Variants in PLD5 observed in about 807,000 individuals in gnomAD.
PLD5 encodes inactive phospholipase D5.
Under a neutral mutation model 61.1 loss-of-function variants are expected in PLD5, and 36 were observed. The observed-to-expected ratio is 0.59, with a 90% CI of 0.45 to 0.78. PLD5 has a LOEUF of 0.78. Among genes scored for constraint, PLD5 ranks in the 30% least tolerant of loss-of-function variants. The pLI is 0.00. For synonymous variants in PLD5, 243 were observed against 242.8 expected, an observed-to-expected ratio of 1.00 and a Z score of -0.01; for missense variants, 515 against 644.4, an observed-to-expected ratio of 0.80 and a Z score of 2.17.
At chr1:242,415,158 C>G (rs1373978005) in intron 1 of PLD5, among the ~76,000 whole-genome samples, 3 of 152,172 alleles carry the variant, frequency 2.0e-5, no homozygotes, top group Admixed American at 6.5e-5. Flanking sequence ...GGTAGGAACC[C>G]AAAATGGCAC....
At chr1:242,261,672 C>A (rs1194548727) in intron 4 of PLD5, among the ~76,000 whole-genome samples, 13 of 152,114 alleles carry the variant, frequency 8.5e-5, no homozygotes, top group African/African-American at 2.9e-4. Flanking sequence ...TAACACTGGG[C>A]AAAATACTTG....
chr1:242,271,160 C>T (rs1476846703), intron 3 of PLD5, among the ~76,000 whole-genome samples: 1 of 146,438 alleles, frequency 6.8e-6, no homozygotes, highest in Non-Finnish European at 1.5e-5. Flanking sequence ...AGAAATATCT[C>T]AAAGTACACA....
intron 3 of PLD5, among the ~76,000 whole-genome samples, chr1:242,276,410 G>GTATA (rs1674413011): frequency 1.6e-4 from 4 of 25,634 alleles, no homozygotes; most frequent in African/African-American, 7.7e-5. Context: ...TATACATATT[G>GTATA]TATACATTTG....
chr1:242,447,088 T>C (rs1401913692), intron 1 of PLD5, among the ~76,000 whole-genome samples: 1 of 152,248 alleles, frequency 6.6e-6, no homozygotes, highest in Admixed American at 6.5e-5. Flanking sequence ...ACATAGCACA[T>C]TATGTCCTCG....
intron 1 of PLD5, among the ~76,000 whole-genome samples, chr1:242,393,982 C>A (rs987868282): frequency 1.4e-5 from 2 of 141,924 alleles, no homozygotes; most frequent in East Asian, 4.2e-4. Flanking sequence ...ATCACTTGAA[C>A]CCGGAAGGCG....
intron 5 of PLD5, among the ~76,000 whole-genome samples, chr1:242,154,539 G>GT (rs1665197427): frequency 6.6e-6 from 1 of 152,040 alleles, no homozygotes; most frequent in African/African-American, 2.4e-5. Flanking sequence ...TTTATTAACA[G>GT]TTTTTTAGCA....
At chr1:242,388,277 G>A (rs568070820) in intron 1 of PLD5, among the ~76,000 whole-genome samples, 1 of 152,334 alleles carries the variant, frequency 6.6e-6, no homozygotes, top group South Asian at 2.1e-4. Flanking sequence ...TTAGGAAAAT[G>A]TAGGAGGATG....
intron 4 of PLD5, among the ~76,000 whole-genome samples, chr1:242,245,131 AAC>A (rs1280916377): frequency 6.6e-6 from 1 of 152,206 alleles, no homozygotes; most frequent in African/African-American, 2.4e-5. Context: ...TTCAGACTTG[AAC>A]CACTGTAATA....
intron 5 of PLD5, among the ~76,000 whole-genome samples, chr1:242,157,637 C>T (rs1665491274): frequency 6.6e-6 from 1 of 152,192 alleles, no homozygotes; most frequent in African/African-American, 2.4e-5. Context: ...ACTCCAGACC[C>T]TGTTTGCCTG....
chr1:242,417,028 A>G (rs971508865), intron 1 of PLD5, among the ~76,000 whole-genome samples: 1 of 152,198 alleles, frequency 6.6e-6, no homozygotes, highest in Non-Finnish European at 1.5e-5. Flanking sequence ...TAAAATATAT[A>G]ATATTTCAGA....
chr1:242,128,902 T>A (rs2148749274), intron 5 of PLD5, among the ~76,000 whole-genome samples: 1 of 152,294 alleles, frequency 6.6e-6, no homozygotes, highest in South Asian at 2.1e-4. Context: ...CACAGGCAAA[T>A]ATTAGCTCAG....
chr1:242,163,204 C>T (rs913407693), intron 5 of PLD5, among the ~76,000 whole-genome samples: 100 of 147,734 alleles, frequency 6.8e-4, no homozygotes, highest in African/African-American at 2.1e-3. Context: ...AGTGCAGTGG[C>T]GCGATCTCGG....
chr1:242,529,833 T>C, the PLD5 span, among the ~76,000 whole-genome samples: 1 of 146,180 alleles, frequency 6.8e-6, no homozygotes, highest in African/African-American at 2.6e-5. Flanking sequence ...CTTCTTCTTC[T>C]CTCCCTCCCT....
chr1:242,398,013 T>C (rs1663697629), intron 1 of PLD5, among the ~76,000 whole-genome samples: 1 of 152,198 alleles, frequency 6.6e-6, no homozygotes, highest in Non-Finnish European at 1.5e-5. Flanking sequence ...TGAACACCTT[T>C]CCTGAGAAAC....
At chr1:242,102,257 A>G (rs763164528) in intron 8 of PLD5, among the ~76,000 whole-genome samples, 111 of 152,244 alleles carry the variant, frequency 7.3e-4, no homozygotes, top group African/African-American at 2.6e-3. Context: ...AGAATAAAAT[A>G]TACATCTTGA....
At chr1:242,512,225 C>T (rs990439584) in intron 1 of PLD5, among the ~76,000 whole-genome samples, 1 of 149,220 alleles carries the variant, frequency 6.7e-6, no homozygotes, top group Non-Finnish European at 1.5e-5. Flanking sequence ...TCCTGGCTAA[C>T]ACGGTGAAAC....
intron 5 of PLD5, among the ~76,000 whole-genome samples, chr1:242,125,172 TA>T (rs1480824427): frequency 1.3e-5 from 2 of 152,198 alleles, no homozygotes; most frequent in African/African-American, 4.8e-5. Context: ...TCTTCTTCCG[TA>T]AAATAGAGAT....
At chr1:242,316,297 G>C (rs944950956) in intron 2 of PLD5, among the ~76,000 whole-genome samples, 3 of 152,150 alleles carry the variant, frequency 2.0e-5, no homozygotes. Context: ...GTACCCAATA[G>C]AGCTTATAAC....
At chr1:242,099,371 C>T (rs967342453) in intron 9 of PLD5, among the ~76,000 whole-genome samples, 3 of 152,196 alleles carry the variant, frequency 2.0e-5, no homozygotes, top group African/African-American at 7.2e-5. Context: ...AGGTGATCCA[C>T]CTGCCTCAGC....
Sources: allele counts gnomAD v4.1 joint callset (sites outside exome capture counted in the v4.1 genomes callset), GRCh38; gene constraint gnomAD v4.1.1; transcripts MANE v1.5; gene names NCBI Gene and HGNC (gene_info 2026-07-23, HGNC 2026-07-21).